Variants in TMEM165 observed in about 807,000 individuals in gnomAD.
TMEM165 encodes the protein putative divalent cation/proton antiporter TMEM165.
A neutral mutation model predicts 30.0 loss-of-function variants in TMEM165; 19 were observed. That is an observed-to-expected ratio of 0.63 (90% confidence interval 0.44 to 0.93). The LOEUF is 0.93. TMEM165 is among the 40% of genes least tolerant of loss of function. The pLI, the probability that TMEM165 is intolerant of heterozygous loss-of-function variation, is 0.00. For missense variants in TMEM165, 340 were observed against 417.0 expected (o/e 0.82, Z 1.61); for synonymous variants, 168 against 162.9 (o/e 1.03, Z -0.24).
chr4:55,396,169 GCGGC>G lies in TMEM165; in HGVS notation c.-15_-12del. ...GCACTTCCTCTTGCGGCGCCCGTGC[GCGGC>G]CGGCCCGGCAGGCGGGATGGCGGCC... is the stretch of plus-strand genomic sequence containing the variant. On this transcript the variant is annotated 5_prime_UTR_variant, in exon 1 of 6. Transcript: ENST00000381334. 7.4e-7 allele frequency: 1 copy of G among 1,348,530 alleles called. No individual in the cohort carries two copies. The highest frequency in any genetic ancestry group is 9.4e-7 in the Non-Finnish European group (1 of 1,063,020). The allele number at this position is 1,348,530 out of a possible 1,614,324, so 83.5% of individuals were successfully genotyped here.
intron 1 of TMEM165, among the ~76,000 whole-genome samples, chr4:55,400,272 A>AATATAATATTATATATTATATATATTAT (rs1720912910): frequency 2.9e-4 from 24 of 83,176 alleles, no homozygotes; most frequent in Admixed American, 2.1e-3. Context: ...TATAATATAT[A>AATATAATATTATATATTATATATATTAT]ATATAATATT....
At chr4:55,412,157 G>T (rs866083402) in intron 2 of TMEM165, 25 of 369,244 alleles carry the variant, frequency 6.8e-5, no homozygotes, top group Middle Eastern at 1.7e-3. Context: ...CACTTTGGGA[G>T]GCCGAAGTGG....
In TMEM165 at chr4:55,438,125, G is replaced by T. The variant is rs560525488; in HGVS notation, c.408+13482G>T. On this transcript the variant is annotated intron_variant, in intron 3 of 3. Transcript: ENST00000608091. ...ACTGAGCAAGGGAAGAAAAAAAATCGCCAACCAGAACAAGCTTTCTATCTT... is the reference window on the plus strand; with the variant it reads ...ACTGAGCAAGGGAAGAAAAAAAATCTCCAACCAGAACAAGCTTTCTATCTT... Among the ~76,000 whole-genome samples, 3 of 152,274 alleles carry T rather than the reference G, an allele frequency of 2.0e-5. No individual in the cohort carries two copies. The South Asian group carries it at 6.2e-4, about 32-fold the overall frequency.
chr4:55,453,188 C>T, exon 4 of TMEM165: 3 of 1,296,080 alleles, frequency 2.3e-6, no homozygotes, highest in Non-Finnish European at 3.4e-6. Flanking sequence ...AAATACTGCA[C>T]AGCTGTAACT....
In TMEM165 at chr4:55,396,325, C is replaced by A; in HGVS notation, c.136C>A (p.Pro46Thr). The change falls in exon 1 of 6, where the codon CCG (proline) becomes ACG (threonine). Residue 46 changes from proline (P) to threonine (T), a missense_variant. Around this residue, in one of 2 missense-constraint regions of TMEM165, gnomAD observed 120 missense variants for 109.4 expected, o/e 1.10. Coordinates refer to ENST00000381334, the MANE Select transcript of TMEM165 (RefSeq NM_018475.5). Reference sequence around the variant, plus strand: ...AGACCTTAGCCACCGGAACAAAGAACCGCCGGCGCCGGCCCAGCAGCTGCA... The same window carrying A: ...AGACCTTAGCCACCGGAACAAAGAAACGCCGGCGCCGGCCCAGCAGCTGCA... ...DEDLSHRNKE[P>T]PAPAQQLQPQ... is the part of the protein sequence containing the mutation. 1.3e-6 allele frequency: 2 copies of A among 1,519,360 alleles called. No individual in the cohort carries two copies. The highest frequency in any genetic ancestry group is 1.8e-6 in the Non-Finnish European group (2 of 1,138,464). 94.1% of individuals were successfully genotyped at this position (1,519,360 alleles called of 1,614,324 possible). A position where few individuals can be genotyped will look rare whatever the true frequency, so the allele number is the denominator to read the frequency against.
At position 55,442,199 on chromosome 4, in the gene TMEM165, A is replaced by G. The variant is rs142108677; in HGVS notation, c.409-10040A>G. On this transcript the variant is annotated intron_variant, in intron 3 of 3. Coordinates refer to the TMEM165 transcript ENST00000608091. The stretch of plus-strand genomic sequence containing the variant: ...CAGTGTGCTGCAGAATTTGTATTCT[A>G]TAATATTTTGTAGCATATTTTTGGA... 294 of 521,258 alleles carry G rather than the reference A, an allele frequency of 5.6e-4. 1 individual carries two copies. In the East Asian group the frequency reaches 6.1e-3, roughly 11 times the overall value. 32.3% of individuals were successfully genotyped at this position (521,258 alleles called of 1,614,324 possible).
chr4:55,426,617 A>G (rs556570114), downstream of TMEM165, among the ~76,000 whole-genome samples: 2 of 152,346 alleles, frequency 1.3e-5, no homozygotes, highest in African/African-American at 4.8e-5. Context: ...ACTAAATTGA[A>G]GGACAATTCT....
At chr4:55,410,532 CCAA>C (rs1328854772) in intron 1 of TMEM165, among the ~76,000 whole-genome samples, 1 of 152,170 alleles carries the variant, frequency 6.6e-6, no homozygotes, top group African/African-American at 2.4e-5. Flanking sequence ...TCTCAGCCTC[CCAA>C]GTAACTGGGA....
chr4:55,449,303 AG>A, intron 3 of TMEM165: 1 of 1,129,584 alleles, frequency 8.9e-7, no homozygotes, highest in Admixed American at 1.7e-5. Flanking sequence ...CTTTACAAAG[AG>A]GGGTGACAAA....
At chr4:55,404,103 G>A (rs1446072380) in intron 1 of TMEM165, among the ~76,000 whole-genome samples, 1 of 144,970 alleles carries the variant, frequency 6.9e-6, no homozygotes, top group African/African-American at 2.5e-5. Flanking sequence ...AGTGCAGTGG[G>A]CACAATCTTG....
intron 3 of TMEM165, chr4:55,443,607 A>C: frequency 9.5e-7 from 1 of 1,050,736 alleles, no homozygotes; most frequent in Non-Finnish European, 1.5e-6. Context: ...TTTTATCATT[A>C]GAGCTTTATT....
At position 55,396,147 on chromosome 4, in the gene TMEM165, C is replaced by T. The variant is rs1720710187; in HGVS notation, c.-43C>T. On this transcript the variant is annotated 5_prime_UTR_variant, in exon 1 of 6. Coordinates refer to ENST00000381334, the MANE Select transcript of TMEM165 (RefSeq NM_018475.5). ...GGGTCGAGGCTTCCCGTCGCCGGCA[C>T]TTCCTCTTGCGGCGCCCGTGCGCGG... The T allele has an allele frequency of 1.5e-6, 2 of 1,326,070 alleles. No individual in the cohort carries two copies. Among genetic ancestry groups the T allele is most frequent in the Admixed American group, 4.2e-5 (1 of 23,738 alleles). 82.1% of individuals were successfully genotyped at this position (1,326,070 alleles called of 1,614,324 possible). A position where few individuals can be genotyped will look rare whatever the true frequency, so the allele number is the denominator to read the frequency against.
downstream of TMEM165, among the ~76,000 whole-genome samples, chr4:55,427,555 G>A (rs1211729645): frequency 2.6e-5 from 4 of 151,626 alleles, no homozygotes; most frequent in African/African-American, 7.3e-5. Flanking sequence ...ATGTTGGCCA[G>A]GCTGGTCTTG....
At chr4:55,448,597 C>CGCGCGCGT (rs1724112588) in intron 3 of TMEM165, among the ~76,000 whole-genome samples, 1 of 72,922 alleles carries the variant, frequency 1.4e-5, no homozygotes, top group African/African-American at 6.8e-5. Flanking sequence ...CGCGCGCACG[C>CGCGCGCGT]GCGCGTGTGT....
intron 3 of TMEM165, chr4:55,433,053 G>A (rs995859919): frequency 6.6e-6 from 1 of 152,488 alleles, no homozygotes; most frequent in Non-Finnish European, 1.5e-5. Context: ...AGCTAAATCC[G>A]TATCACTAGG....
chr4:55,398,284 T>C (rs934829864), intron 1 of TMEM165, among the ~76,000 whole-genome samples: 1 of 152,206 alleles, frequency 6.6e-6, no homozygotes, highest in African/African-American at 2.4e-5. Flanking sequence ...GATTCTGATA[T>C]GGGAGGGAAT....
In TMEM165 at chr4:55,417,151, C is replaced by T. The variant is rs1442214976; in HGVS notation, c.513C>T (p.Gly171=). 1.2e-6 allele frequency: 2 copies of T among 1,613,842 alleles called. No homozygotes were observed. Among genetic ancestry groups the T allele is most frequent in the East Asian group, 2.2e-5 (1 of 44,878 alleles). Residue 171 remains glycine (G), a synonymous_variant, in exon 3 of 6, where the codon GGC becomes GGT. Coordinates refer to ENST00000381334, the MANE Select transcript of TMEM165 (RefSeq NM_018475.5). ...CAACTGTATTATTTGCCATTTTTGG[C>T]ATTAGAATGCTTCGGGAAGGCTTAA... is the stretch of plus-strand genomic sequence containing the variant. ...YVSTVLFAIF[G]IRMLREGLKM...
chr4:55,451,662 C>A (rs941102653), intron 3 of TMEM165, among the ~76,000 whole-genome samples: 10 of 152,084 alleles, frequency 6.6e-5, no homozygotes, highest in African/African-American at 2.2e-4. Context: ...TGAATCTTTG[C>A]ATAAGGGAAA....
intron 1 of TMEM165, among the ~76,000 whole-genome samples, chr4:55,402,716 G>A (rs1721076774): frequency 1.4e-5 from 2 of 145,794 alleles, no homozygotes; most frequent in African/African-American, 5.4e-5. Context: ...CAAGTTGCTA[G>A]GATTACAGGC....
Sources: gnomAD v4.1 joint callset for allele counts (sites outside exome capture counted in the v4.1 genomes callset) on GRCh38, gnomAD v4.1.1 for gene constraint, gnomAD v4.1.1 regional missense constraint, MANE v1.5 for transcripts, NCBI Gene and HGNC (gene_info 2026-07-23, HGNC 2026-07-21) for gene names.